The following MTR variants were observed in gnomAD, a reference collection of about 807,000 sequenced individuals.
MTR encodes the protein 5-methyltetrahydrofolate-homocysteine methyltransferase, also known as methionine synthase.
MTR carries 84 observed loss-of-function variants against 154.8 expected under a neutral mutation model. The observed-to-expected ratio is 0.54, with a 90% CI of 0.45 to 0.65. The LOEUF is 0.65. Ranked by LOEUF, MTR falls within the 30% of genes least tolerant of loss-of-function variation. The pLI is 0.00. For synonymous variants in MTR, 554 were observed against 553.9 expected, an observed-to-expected ratio of 1.00 and a Z score of 0.00; for missense variants, 1,275 against 1,570.2, an observed-to-expected ratio of 0.81 and a Z score of 3.18.
rs1285030751 is a variant in MTR, at chr1:236,897,841, T to G, written c.*197T>G. The G allele has an allele frequency of 5.0e-6, 3 of 604,860 alleles. No individual in the cohort carries two copies. Among genetic ancestry groups the G allele is most frequent in the Non-Finnish European group, 8.7e-6 (3 of 345,330 alleles). The allele number at this position is 604,860 out of a possible 1,614,324, so 37.5% of individuals were successfully genotyped here. A position where few individuals can be genotyped will look rare whatever the true frequency, so the allele number is the denominator to read the frequency against. On this transcript the variant is annotated 3_prime_UTR_variant, in exon 33 of 33. Coordinates refer to ENST00000366577, the MANE Select transcript of MTR (RefSeq NM_000254.3). ...GCAGTGCCTGGAAAACAGGCGCTGT[T>G]TTTTTGGGACCTTGCGTGAAGAGCA...
chr1:236,832,066 A>C lies in MTR; in HGVS notation c.1176A>C (p.Ala392=), dbSNP rs905985265. Residue 392 remains alanine, a synonymous_variant, in exon 13 of 33, where the codon GCA becomes GCC. Transcript: ENST00000366577. The stretch of plus-strand genomic sequence containing the variant: ...GGAAGTTTGCTAAACTCATCATGGC[A>C]GGAAACTATGAAGTGAGCATCTTAA... The part of the protein sequence containing the change: ...GSRKFAKLIM[A]GNYEEALCVA... 10 of 1,613,220 alleles carry C rather than the reference A, an allele frequency of 6.2e-6. No individual in the cohort carries two copies. Among genetic ancestry groups the C allele is most frequent in the South Asian group, 1.1e-5 (1 of 91,052 alleles).
intron 29 of MTR, 84 bp downstream of exon 29, chr1:236,891,413 G>A: frequency 7.3e-7 from 1 of 1,365,786 alleles, no homozygotes; most frequent in Non-Finnish European, 1.0e-6. Flanking sequence ...ATAAATGAGG[G>A]TCTGCTTCAC....
chr1:236,795,934 C>T (rs570727849), intron 1 of MTR, among the ~76,000 whole-genome samples, 197 bp downstream of exon 1: 1 of 152,250 alleles, frequency 6.6e-6, no homozygotes, highest in African/African-American at 2.4e-5. Context: ...CGACCTTCAC[C>T]TCTTTCTCCC....
chr1:236,835,681 C>A lies in MTR; in HGVS notation c.1323C>A (p.Ile441=), dbSNP rs375495732. 6.2e-7 allele frequency: 1 copy of A among 1,612,828 alleles called. No homozygotes were observed. The highest frequency in any genetic ancestry group is 8.5e-7 in the Non-Finnish European group (1 of 1,179,810). The change falls in exon 14 of 33, where the codon ATC becomes ATA. Residue 441 remains isoleucine (I), a synonymous_variant. Coordinates refer to ENST00000366577, the MANE Select transcript of MTR (RefSeq NM_000254.3). ...ACTTAATTGCTTCCGAGCCAGACAT[C>A]GCAAAGGTTATACAAAGTTTATGTT... ...FCNLIASEPD[I]AKVPLCIDSS...
At chr1:236,853,602 G>C (rs977230047) in intron 18 of MTR, among the ~76,000 whole-genome samples, 5 of 152,004 alleles carry the variant, frequency 3.3e-5, no homozygotes, top group African/African-American at 4.8e-5. Flanking sequence ...GCAGTGTACT[G>C]GGAACATATT....
intron 20 of MTR, among the ~76,000 whole-genome samples, chr1:236,861,645 T>C (rs955744842): frequency 6.6e-6 from 1 of 152,220 alleles, no homozygotes; most frequent in Admixed American, 6.5e-5. Context: ...TCTGTAAGGA[T>C]GCATATTTTG....
intron 6 of MTR, among the ~76,000 whole-genome samples, chr1:236,814,450 A>G (rs895676064): frequency 1.3e-5 from 2 of 152,258 alleles, no homozygotes; most frequent in African/African-American, 4.8e-5. Context: ...TGTGTGGCAT[A>G]CATTATGATT....
intron 24 of MTR, among the ~76,000 whole-genome samples, chr1:236,880,276 G>A (rs1665653853): frequency 6.6e-6 from 1 of 152,216 alleles, no homozygotes; most frequent in South Asian, 2.1e-4. Context: ...TTGGGGCTGA[G>A]GAGTGTTGAT....
In MTR at chr1:236,897,134, C is replaced by T; in HGVS notation, c.3711+16C>T. On this transcript the variant is annotated intron_variant, in intron 32 of 32. Coordinates refer to ENST00000366577, the MANE Select transcript of MTR (RefSeq NM_000254.3). Reference sequence around the variant, plus strand: ...CAAGGATCAGGTAAGCTAGCTGTTGCATTATATGTGGCTTGCCTAGTTCAA... The same window carrying T: ...CAAGGATCAGGTAAGCTAGCTGTTGTATTATATGTGGCTTGCCTAGTTCAA... 1 of 1,542,464 alleles carries T rather than the reference C, an allele frequency of 6.5e-7. No homozygotes were observed. The highest frequency in any genetic ancestry group is 9.0e-7 in the Non-Finnish European group (1 of 1,114,994).
chr1:236,799,942 T>G (rs1038901866), intron 1 of MTR: 12 of 482,596 alleles, frequency 2.5e-5, no homozygotes, highest in African/African-American at 1.9e-4. Flanking sequence ...GCTTTTGATC[T>G]CTTGCCTATA....
rs1667002020 is a variant in MTR, at chr1:236,903,312, A to G, written c.*5668A>G. The stretch of plus-strand genomic sequence containing the variant: ...TACTTTTAAAAAGATTAGCTTGGCA[A>G]CAAGTCTAGCCTGAAATGGGTGCTA... On this transcript the variant is annotated 3_prime_UTR_variant, in exon 33 of 33. Transcript: ENST00000366577. 1 of 152,230 alleles carries G rather than the reference A, an allele frequency of 6.6e-6. No individual in the cohort carries two copies. 9.4% of individuals were successfully genotyped at this position (152,230 alleles called of 1,614,324 possible).
At position 236,894,319 on chromosome 1, in the gene MTR, C is replaced by T. The variant is rs370753494; in HGVS notation, c.3205-38C>T. 40 of 1,604,004 alleles carry T rather than the reference C, an allele frequency of 2.5e-5. No individual in the cohort carries two copies. The East Asian group carries it at 4.2e-4, about 17-fold the overall frequency. ...TGTGCTGGCGCCACGTTCTTGCTAA[C>T]GGCGCCCCCGCACACTCCTACACTC... On this transcript the variant is annotated intron_variant, in intron 29 of 32. Transcript: ENST00000366577.
At chr1:236,860,027 T>G in intron 19 of MTR, 105 bp downstream of exon 19, 5 of 819,648 alleles carry the variant, frequency 6.1e-6, no homozygotes, top group Non-Finnish European at 9.7e-6. Context: ...CCTAGACCAC[T>G]GATTCTCAAC....
chr1:236,840,429 C>A (rs886851286), intron 15 of MTR, among the ~76,000 whole-genome samples: 1 of 152,180 alleles, frequency 6.6e-6, no homozygotes, highest in African/African-American at 2.4e-5. Flanking sequence ...CCTAGGAGAT[C>A]TGGTTTCATT....
At chr1:236,822,336 A>G (rs1411939759) in intron 8 of MTR, among the ~76,000 whole-genome samples, 1 of 138,468 alleles carries the variant, frequency 7.2e-6, no homozygotes, top group Non-Finnish European at 1.5e-5. Flanking sequence ...TTGAGACAGC[A>G]TCTTGCTGTG....
chr1:236,861,359 C>T (rs953233487), intron 20 of MTR, 82 bp downstream of exon 20: 19 of 1,591,348 alleles, frequency 1.2e-5, no homozygotes, highest in East Asian at 1.1e-4. Context: ...ATATATTTCT[C>T]AGGTTTTAAT....
intron 27 of MTR, among the ~76,000 whole-genome samples, chr1:236,887,463 G>A (rs1376440028): frequency 6.6e-6 from 1 of 152,166 alleles, no homozygotes; most frequent in Non-Finnish European, 1.5e-5. Flanking sequence ...GAAAACCTTT[G>A]AAAAAATATA....
At chr1:236,892,231 A>G (rs1666367394) in intron 29 of MTR, among the ~76,000 whole-genome samples, 1 of 152,130 alleles carries the variant, frequency 6.6e-6, no homozygotes, top group African/African-American at 2.4e-5. Flanking sequence ...CAGCACTTTG[A>G]GAGGCCAAGG....
intron 10 of MTR, among the ~76,000 whole-genome samples, chr1:236,825,808 C>G (rs1247447252): frequency 6.6e-6 from 1 of 152,176 alleles, no homozygotes. Flanking sequence ...TTGTTAAATC[C>G]TAGGTCATGA....
Sources: allele counts gnomAD v4.1 joint callset (sites outside exome capture counted in the v4.1 genomes callset), GRCh38; gene constraint gnomAD v4.1.1; transcripts MANE v1.5; gene names NCBI Gene and HGNC (gene_info 2026-07-23, HGNC 2026-07-21).